Variants in TRMT11 observed in about 807,000 individuals in gnomAD.
The protein encoded by TRMT11 is tRNA (guanine(10)-N(2))-methyltransferase TRMT11.
Under a neutral mutation model 62.8 loss-of-function variants are expected in TRMT11, and 53 were observed. The observed-to-expected ratio is 0.84, with a 90% CI of 0.68 to 1.06. The LOEUF (loss-of-function observed/expected upper bound fraction) is 1.06, where lower values mean the gene tolerates loss of function less well. Among genes scored for constraint, TRMT11 ranks in the 50% least tolerant of loss-of-function variants. The probability of loss-of-function intolerance (pLI) is 0.00; values close to 1 mark genes in which losing one functional copy is unlikely to be tolerated. For missense variants in TRMT11, 556 were observed against 553.4 expected (o/e 1.00, Z -0.05); for synonymous variants, 188 against 190.3 (o/e 0.99, Z 0.10).
At chr6:126,240,801 C>A in the TRMT11 span, among the ~76,000 whole-genome samples, 1 of 152,264 alleles carries the variant, frequency 6.6e-6, no homozygotes, top group Non-Finnish European at 1.5e-5. Context: ...TGCCCTGCCC[C>A]CAGAGGCGGA....
At position 126,097,383 on chromosome 6, in the gene TRMT11, T is replaced by C. The variant is rs1201647967; in HGVS notation, c.*1438-15483T>C. On this transcript the variant is annotated intron_variant and NMD_transcript_variant, in intron 17 of 22. Coordinates refer to the TRMT11 transcript ENST00000648977. ...AAGAAGACCATACAGTAATAAATGG[T>C]AATTATTTTAAATAATACTCAAGGG... is the stretch of plus-strand genomic sequence containing the variant. 2.6e-5 allele frequency among the ~76,000 whole-genome samples: 4 copies of C among 152,258 alleles called. No individual in the cohort carries two copies. The East Asian group carries it at 5.8e-4, about 22-fold the overall frequency.
At chr6:126,251,101 G>A in the TRMT11 span, among the ~76,000 whole-genome samples, 1 of 151,268 alleles carries the variant, frequency 6.6e-6, no homozygotes, top group Non-Finnish European at 1.5e-5. Flanking sequence ...CACAATCTAG[G>A]CTCACTGCAA....
intron 17 of TRMT11, among the ~76,000 whole-genome samples, chr6:126,101,900 A>G (rs1777406333): frequency 6.6e-6 from 1 of 152,228 alleles, no homozygotes; most frequent in Non-Finnish European, 1.5e-5. Flanking sequence ...TTAATATTTG[A>G]CCATATGTGA....
intron 21 of TRMT11, among the ~76,000 whole-genome samples, chr6:126,157,079 C>T (rs541665006): frequency 6.6e-6 from 1 of 152,196 alleles, no homozygotes; most frequent in South Asian, 2.1e-4. Flanking sequence ...AACAATGGTC[C>T]CTCAGATGCC....
At chr6:126,102,363 A>G (rs1777411250) in intron 17 of TRMT11, among the ~76,000 whole-genome samples, 1 of 152,164 alleles carries the variant, frequency 6.6e-6, no homozygotes, top group Admixed American at 6.5e-5. Context: ...TTCAAAGGAC[A>G]TAGGATGAAT....
At chr6:126,008,336 A>G in intron 7 of TRMT11, 56 bp from the exon 8 acceptor site, 2 of 1,424,970 alleles carry the variant, frequency 1.4e-6, no homozygotes, top group Admixed American at 1.7e-5. Flanking sequence ...TTAAATAGGA[A>G]CAAACAGGAG....
the TRMT11 span, among the ~76,000 whole-genome samples, chr6:126,260,360 T>C: frequency 6.6e-6 from 1 of 152,230 alleles, no homozygotes; most frequent in Admixed American, 6.5e-5. Context: ...AATTGCCTAA[T>C]TTTTCTCTCT....
chr6:126,062,692 ATTAC>A (rs1476563791), intron 17 of TRMT11, among the ~76,000 whole-genome samples: 3 of 143,912 alleles, frequency 2.1e-5, no homozygotes. Flanking sequence ...GTCAAAAGAT[ATTAC>A]TTGACAGGTT....
At chr6:126,060,252 A>C (rs1422894749) in intron 17 of TRMT11, among the ~76,000 whole-genome samples, 1 of 152,188 alleles carries the variant, frequency 6.6e-6, no homozygotes, top group Non-Finnish European at 1.5e-5. Context: ...TTCAATTCAG[A>C]ATTTTAGGTC....
chr6:126,224,261 G>A, the TRMT11 span, among the ~76,000 whole-genome samples: 13 of 152,302 alleles, frequency 8.5e-5, no homozygotes, highest in South Asian at 2.1e-4. Context: ...ATTTTTCATC[G>A]TTGTGGGTTG....
chr6:126,081,654 A>AT (rs1429361743), intron 17 of TRMT11, among the ~76,000 whole-genome samples: 1 of 152,052 alleles, frequency 6.6e-6, no homozygotes, highest in African/African-American at 2.4e-5. Context: ...AGTTAAAACA[A>AT]TTTTTTTGGA....
chr6:126,257,776 C>T, the TRMT11 span: 1 of 578,090 alleles, frequency 1.7e-6, no homozygotes, highest in African/African-American at 1.9e-5. Flanking sequence ...AATGAAGAAC[C>T]CCAAAAATGG....
chr6:126,049,580 A>G (rs1216295688), intron 16 of TRMT11, among the ~76,000 whole-genome samples: 2 of 152,040 alleles, frequency 1.3e-5, no homozygotes, highest in African/African-American at 4.8e-5. Context: ...GTTGATGTCT[A>G]TGGGAGTTCC....
exon 4 of TRMT11, chr6:126,202,193 T>TTAA (rs111416146): frequency 6.6e-6 from 1 of 152,002 alleles, no homozygotes; most frequent in East Asian, 1.9e-4. Context: ...AAAGGTCTGT[T>TTAA]TAATAATAAT....
the TRMT11 span, among the ~76,000 whole-genome samples, chr6:126,263,549 G>A: frequency 6.6e-6 from 1 of 152,194 alleles, no homozygotes; most frequent in African/African-American, 2.4e-5. Context: ...GAGCTAATGA[G>A]AGGTAATAAA....
chr6:126,091,904 T>G (rs1777281694), intron 17 of TRMT11, among the ~76,000 whole-genome samples: 1 of 152,202 alleles, frequency 6.6e-6, no homozygotes, highest in Non-Finnish European at 1.5e-5. Flanking sequence ...ATCTTTTCAG[T>G]TTTCTCAAAT....
intron 16 of TRMT11, among the ~76,000 whole-genome samples, chr6:126,052,184 G>T (rs1776239488): frequency 6.6e-6 from 1 of 152,190 alleles, no homozygotes; most frequent in South Asian, 2.1e-4. Context: ...TGGATGGGTG[G>T]ACGTGCTCTA....
rs1161824601 is a variant in TRMT11 at position 125,998,145 on chromosome 6, A to C, written c.294+11A>C. On this transcript the variant is annotated intron_variant, in intron 4 of 12. Transcript: ENST00000334379. ...CCTGTGGAGAAGATGGTGCGTAGTAAAATGTGGTTTTATATAGGCATGCGT... is the reference window on the plus strand; with the variant it reads ...CCTGTGGAGAAGATGGTGCGTAGTACAATGTGGTTTTATATAGGCATGCGT... The C allele has an allele frequency of 7.4e-6, 12 of 1,611,842 alleles. No homozygotes were observed. The Admixed American group carries it at 1.5e-4, about 20-fold the overall frequency.
chr6:126,135,294 T>G (rs1214703796), intron 21 of TRMT11, among the ~76,000 whole-genome samples: 2 of 150,600 alleles, frequency 1.3e-5, no homozygotes, highest in African/African-American at 2.4e-5. Context: ...AAATCAGAAA[T>G]GAGAAAGGAA....
Sources: gnomAD v4.1 joint callset for allele counts (sites outside exome capture counted in the v4.1 genomes callset) on GRCh38, gnomAD v4.1.1 for gene constraint, MANE v1.5 for transcripts, NCBI Gene and HGNC (gene_info 2026-07-23, HGNC 2026-07-21) for gene names.